ADAMTS9: variants seen among roughly 807,000 people sequenced by gnomAD.
ADAMTS9 encodes the protein A disintegrin and metalloproteinase with thrombospondin motifs 9.
In ADAMTS9, 107 loss-of-function variants were observed where a neutral mutation model predicts 257.1. The observed-to-expected ratio is 0.42, with a 90% CI of 0.36 to 0.49. The LOEUF (loss-of-function observed/expected upper bound fraction) is 0.49. ADAMTS9 is among the 20% of genes least tolerant of loss of function. ADAMTS9 has a pLI of 0.03. For synonymous variants in ADAMTS9, 982 were observed against 880.9 expected, an observed-to-expected ratio of 1.11 and a Z score of -2.03; for missense variants, 2,353 against 2,469.1, an observed-to-expected ratio of 0.95 and a Z score of 1.00.
chr3:64,552,626 G>A (rs2083284481), intron 30 of ADAMTS9, among the ~76,000 whole-genome samples: 1 of 150,058 alleles, frequency 6.7e-6, no homozygotes, highest in South Asian at 2.1e-4. Flanking sequence ...ATGTTGGAGT[G>A]CAGTGATGTG....
Position 64,604,342 on chromosome 3 carries a change from TG to T in ADAMTS9, c.3475-12del. 1.3e-6 allele frequency: 2 copies of T among 1,550,098 alleles called. No individual in the cohort carries two copies. The highest frequency in any genetic ancestry group is 1.7e-6 in the Non-Finnish European group (2 of 1,145,038). Reference sequence around the variant, plus strand: ...TGGTAATTCACAGTCCTAGACGTGATGGGGGAAAAAAAAACAAAGTCACTTT... The same window carrying T: ...TGGTAATTCACAGTCCTAGACGTGATGGGGAAAAAAAAACAAAGTCACTTT... On this transcript the variant is annotated splice_polypyrimidine_tract_variant and intron_variant, in intron 23 of 39. Transcript: ENST00000498707.
chr3:64,523,983 G>T (rs1034222101), intron 38 of ADAMTS9, among the ~76,000 whole-genome samples: 1 of 152,070 alleles, frequency 6.6e-6, no homozygotes, highest in African/African-American at 2.4e-5. Flanking sequence ...AAAATTACAA[G>T]GCAAAACTGT....
intron 4 of ADAMTS9, among the ~76,000 whole-genome samples, chr3:64,658,137 C>A (rs928909766): frequency 6.6e-6 from 1 of 152,168 alleles, no homozygotes; most frequent in Non-Finnish European, 1.5e-5. Context: ...CAGGCAGCGT[C>A]CAAGTGATTT....
intron 38 of ADAMTS9, among the ~76,000 whole-genome samples, chr3:64,526,761 A>G (rs926440197): frequency 3.3e-5 from 5 of 152,196 alleles, no homozygotes; most frequent in African/African-American, 1.2e-4. Flanking sequence ...TAAAATAGGG[A>G]TAATAATAGT....
At chr3:64,616,862 C>A (rs2084775526) in intron 19 of ADAMTS9, among the ~76,000 whole-genome samples, 1 of 152,158 alleles carries the variant, frequency 6.6e-6, no homozygotes, top group South Asian at 2.1e-4. Context: ...CTTGACTGTT[C>A]ACTCATCACT....
intron 36 of ADAMTS9, 58 bp from the exon 37 acceptor site, chr3:64,539,352 G>A (rs2083091692): frequency 7.2e-7 from 1 of 1,392,998 alleles, no homozygotes; most frequent in African/African-American, 1.4e-5. Flanking sequence ...GAAAGGCAAG[G>A]AAGGAACAGG....
chr3:64,622,937 T>C (rs1351264088), intron 16 of ADAMTS9, among the ~76,000 whole-genome samples: 1 of 152,214 alleles, frequency 6.6e-6, no homozygotes, highest in East Asian at 1.9e-4. Context: ...GTTTATATGA[T>C]TTGAAAATAT....
At chr3:64,682,371 T>G (rs1390441022) in intron 2 of ADAMTS9, among the ~76,000 whole-genome samples, 1 of 152,220 alleles carries the variant, frequency 6.6e-6, no homozygotes, top group Non-Finnish European at 1.5e-5. Context: ...CTCTAACCAT[T>G]AGGATAAAAT....
chr3:64,616,065 C>T lies in ADAMTS9; in HGVS notation c.2919G>A (p.Glu973=), dbSNP rs2084757660. The T allele has an allele frequency of 6.2e-7, 1 of 1,614,140 alleles. No homozygotes were observed. The highest frequency in any genetic ancestry group is 8.5e-7 in the Non-Finnish European group (1 of 1,180,002). ...AKYSRLDGKT[E]KVDDGFCSSH... is the part of the protein sequence containing the mutation. ...TGCTGCAAAAACCATCATCAACCTT[C>T]TCAGTCTTCCCATCCAGCCTGCTAT... Residue 973 remains glutamate (E), a synonymous_variant, in exon 20 of 40, where the codon GAG becomes GAA. Transcript: ENST00000498707.
intron 16 of ADAMTS9, among the ~76,000 whole-genome samples, chr3:64,629,906 G>T (rs1004732537): frequency 2.0e-5 from 3 of 152,178 alleles, no homozygotes; most frequent in Non-Finnish European, 4.4e-5. Context: ...GCTTCATGTA[G>T]ACATTCCAAA....
At chr3:64,558,401 C>T (rs1247682231) in intron 30 of ADAMTS9, among the ~76,000 whole-genome samples, 3 of 152,194 alleles carry the variant, frequency 2.0e-5, no homozygotes, top group Non-Finnish European at 4.4e-5. Context: ...AAATACTCAA[C>T]ATAGTGCCTA....
intron 37 of ADAMTS9, among the ~76,000 whole-genome samples, chr3:64,533,792 C>T (rs1220710956): frequency 1.3e-5 from 2 of 152,202 alleles, no homozygotes; most frequent in East Asian, 1.9e-4. Context: ...TTCCCCAGGA[C>T]GGTCAGCAGA....
Position 64,658,540 on chromosome 3 carries a change from C to T in ADAMTS9, c.931G>A (p.Glu311Lys), listed in dbSNP as rs1329452043. 2.5e-6 allele frequency: 4 copies of T among 1,613,470 alleles called. No homozygotes were observed. The South Asian group carries it at 4.4e-5, about 18-fold the overall frequency. Residue 311 changes from glutamate (E) to lysine (K), a missense_variant, in exon 4 of 40, where the codon GAA (glutamate) becomes AAA (lysine). Glu to Lys is a moderately conservative substitution (Grantham distance 56). This residue lies in a region of ADAMTS9 where 591 missense variants were observed against 569.6 expected (regional missense o/e 1.04). Transcript: ENST00000498707. ...GTTAAAATATAGTGTTGAAGGTTTT[C>T]TCCATGGTATGAAACCATTCTGTTG... ...ADNRMVSYHG[E>K]NLQHYILTLM...
rs547135370 is a variant in ADAMTS9, at chr3:64,613,083, C to T, written c.3354+262G>A. Among the ~76,000 whole-genome samples the T allele has an allele frequency of 1.8e-4, 28 of 152,178 alleles. No individual in the cohort carries two copies. The South Asian group carries it at 4.4e-3, about 24-fold the overall frequency. ...GAAATCTGTTGTGAATTTGTTCAAA[C>T]ACTCGTCTGCTCAAGCTAAAGGGCA... is the stretch of plus-strand genomic sequence containing the variant. On this transcript the variant is annotated intron_variant, in intron 22 of 39. Transcript: ENST00000498707.
rs749618237 is a variant in ADAMTS9, at chr3:64,621,094, T to C, written c.2813+20A>G. ...CTCTCACAATTCAGTAATAAAGGCC[T>C]TGAGAAAACAGTGGCCCACCTCAGG... On this transcript the variant is annotated intron_variant, in intron 19 of 39. Coordinates refer to ENST00000498707, the MANE Select transcript of ADAMTS9 (RefSeq NM_182920.2). 6 of 1,596,494 alleles carry C rather than the reference T, an allele frequency of 3.8e-6. No homozygotes were observed. The highest frequency in any genetic ancestry group is 5.1e-6 in the Non-Finnish European group (6 of 1,172,302).
chr3:64,527,861 C>T (rs1215575194), intron 38 of ADAMTS9, among the ~76,000 whole-genome samples: 4 of 152,092 alleles, frequency 2.6e-5, no homozygotes, highest in Non-Finnish European at 5.9e-5. Flanking sequence ...TCGGAGGCAG[C>T]CCAGGTCGAA....
chr3:64,526,500 G>A (rs1162229949), intron 38 of ADAMTS9, among the ~76,000 whole-genome samples: 1 of 152,136 alleles, frequency 6.6e-6, no homozygotes, highest in Non-Finnish European at 1.5e-5. Context: ...TTCTGGAGCT[G>A]GCCCATACCA....
At position 64,522,257 on chromosome 3, in the gene ADAMTS9, C is replaced by T. The variant is rs571672861; in HGVS notation, c.5722G>A (p.Gly1908Ser). ...AVSDIKKSPD[G>S]TRVVGKCGGY... is the part of the protein sequence containing the mutation. ...CCGCATTTCCCTACGACTCGGGTAC[C>T]ATCCTGCAAGGAGATGCATCATGTT... Residue 1908 changes from glycine (G) to serine (S), a missense_variant, in exon 39 of 40, where the codon GGT (glycine) becomes AGT (serine). Physicochemically the swap from Gly to Ser is moderately conservative, Grantham distance 56. Coordinates refer to ENST00000498707, the MANE Select transcript of ADAMTS9 (RefSeq NM_182920.2). The T allele has an allele frequency of 6.2e-7, 1 of 1,613,916 alleles. No individual in the cohort carries two copies. The highest frequency in any genetic ancestry group is 1.1e-5 in the South Asian group (1 of 91,068).
chr3:64,577,933 C>A (rs980995145), intron 28 of ADAMTS9, among the ~76,000 whole-genome samples: 8 of 152,182 alleles, frequency 5.3e-5, no homozygotes, highest in Admixed American at 1.3e-4. Context: ...GCCTGTCTGG[C>A]CCTTCTTCTG....
Sources: gnomAD v4.1 joint callset for allele counts (sites outside exome capture counted in the v4.1 genomes callset) on GRCh38, gnomAD v4.1.1 for gene constraint, gnomAD v4.1.1 regional missense constraint, MANE v1.5 for transcripts, NCBI Gene and HGNC (gene_info 2026-07-23, HGNC 2026-07-21) for gene names.